Variants in ARHGAP28 observed in about 807,000 individuals in gnomAD.
ARHGAP28 encodes the protein Rho GTPase activating protein 28, also known as rho GTPase-activating protein 28.
A neutral mutation model predicts 90.7 loss-of-function variants in ARHGAP28; 56 were observed. The ratio of observed to expected loss-of-function variants is 0.62; its 90% confidence interval spans 0.50 to 0.77. The LOEUF (loss-of-function observed/expected upper bound fraction) is 0.77, where lower values mean the gene tolerates loss of function less well. Among genes scored for constraint, ARHGAP28 ranks in the 30% least tolerant of loss-of-function variants. ARHGAP28 has a pLI of 0.00. For synonymous variants in ARHGAP28, 308 were observed against 323.3 expected (o/e 0.95, Z 0.51); for missense variants, 869 against 900.9 (o/e 0.96, Z 0.45).
Position 6,890,024 on chromosome 18 carries a change from T to C in ARHGAP28, c.1673T>C (p.Leu558Ser). Reference sequence around the variant, plus strand: ...CACTCTGATTATGAAGAATTACTGTTAGCAAACACTGCGGCCCACATCATC... The same window carrying C: ...CACTCTGATTATGAAGAATTACTGTCAGCAAACACTGCGGCCCACATCATC... The part of the protein sequence containing the change: ...SKHSDYEELL[L>S]ANTAAHIIRL... The change falls in exon 13 of 18, where the codon TTA (leucine) becomes TCA (serine). Residue 558 changes from leucine to serine, a missense_variant. Transcript: ENST00000383472. 1.9e-6 allele frequency: 3 copies of C among 1,614,206 alleles called. No individual in the cohort carries two copies. The highest frequency in any genetic ancestry group is 2.5e-6 in the Non-Finnish European group (3 of 1,180,032).
intron 14 of ARHGAP28, 54 bp downstream of exon 14, chr18:6,890,597 C>T: frequency 9.5e-7 from 1 of 1,056,062 alleles, no homozygotes; most frequent in Non-Finnish European, 1.4e-6. Context: ...TTGTACTCCT[C>T]AAAGGGGGGC....
intron 1 of ARHGAP28, among the ~76,000 whole-genome samples, chr18:6,739,989 G>A (rs867146776): frequency 6.6e-6 from 1 of 151,794 alleles, no homozygotes; most frequent in South Asian, 2.1e-4. Flanking sequence ...CAAGTAACTG[G>A]GATTATAGGC....
At chr18:6,838,847 T>C (rs1318619210) in intron 3 of ARHGAP28, among the ~76,000 whole-genome samples, 2 of 152,160 alleles carry the variant, frequency 1.3e-5, no homozygotes, top group African/African-American at 2.4e-5. Context: ...TGAGTAAAGG[T>C]GACTTCCACA....
rs1406790226 is a variant in ARHGAP28, at chr18:6,841,167, C to T, written c.543+3753C>T. ...CTGTCTCTCTCCTCTTTCTCTCTCT[C>T]CTCTCTCTCTCTCCTCTCTCTCTCT... is the stretch of plus-strand genomic sequence containing the variant. On this transcript the variant is annotated intron_variant, in intron 3 of 17. Transcript: ENST00000383472. Among the ~76,000 whole-genome samples the T allele has an allele frequency of 2.4e-3, 195 of 79,986 alleles. 2 individuals are homozygous for T. Among genetic ancestry groups the T allele is most frequent in the African/African-American group, 5.8e-3 (108 of 18,526 alleles). 52.5% of individuals were successfully genotyped at this position (79,986 alleles called of 152,430 possible).
At chr18:6,757,290 C>T (rs778798273) in intron 1 of ARHGAP28, among the ~76,000 whole-genome samples, 11 of 151,986 alleles carry the variant, frequency 7.2e-5, no homozygotes, top group South Asian at 2.1e-4. Context: ...ATTAGACATT[C>T]GCAGAGATAT....
Position 6,837,383 on chromosome 18 carries a change from T to C in ARHGAP28, c.512T>C (p.Val171Ala). 1 of 1,610,318 alleles carries C rather than the reference T, an allele frequency of 6.2e-7. No individual in the cohort carries two copies. Among genetic ancestry groups the C allele is most frequent in the Non-Finnish European group, 8.5e-7 (1 of 1,178,218 alleles). Residue 171 changes from valine to alanine, a missense_variant, in exon 3 of 18, where the codon GTC becomes GCC. By Grantham distance (64) the Val-to-Ala change is moderately conservative. Coordinates refer to ENST00000383472, the MANE Select transcript of ARHGAP28 (RefSeq NM_001366230.1). ...AAGGATAAGCAATCTATCAGGGATG[T>C]CAGAGACATTTTTGGAGTCAGTGAA... ...RKKDKQSIRD[V>A]RDIFGVSESP... is the part of the protein sequence containing the mutation.
intron 10 of ARHGAP28, among the ~76,000 whole-genome samples, chr18:6,880,100 G>A (rs2057165612): frequency 6.6e-6 from 1 of 152,092 alleles, no homozygotes; most frequent in Non-Finnish European, 1.5e-5. Flanking sequence ...TGTCCCCTTT[G>A]CTTTACTGCA....
chr18:6,847,610 TGA>T (rs1217347368), intron 3 of ARHGAP28, among the ~76,000 whole-genome samples: 1 of 123,508 alleles, frequency 8.1e-6, no homozygotes, highest in Non-Finnish European at 1.6e-5. Flanking sequence ...CACGAAAGGA[TGA>T]GAGAGAGAGA....
At position 6,890,011 on chromosome 18, in the gene ARHGAP28, G is replaced by A. The variant is rs763339559; in HGVS notation, c.1660G>A (p.Glu554Lys). 7.4e-6 allele frequency: 12 copies of A among 1,614,204 alleles called. No homozygotes were observed. In the East Asian group the frequency reaches 1.6e-4, roughly 21 times the overall value. Residue 554 changes from glutamate to lysine, a missense_variant, in exon 13 of 18, where the codon GAA becomes AAA. Glu to Lys is a moderately conservative substitution (Grantham distance 56). Transcript: ENST00000383472. The stretch of plus-strand genomic sequence containing the variant: ...CAGTAGAAGCAAACACTCTGATTAT[G>A]AAGAATTACTGTTAGCAAACACTGC... ...FFSRSKHSDY[E>K]ELLLANTAAH...
At chr18:6,850,692 C>A in intron 3 of ARHGAP28, 1 of 797,984 alleles carries the variant, frequency 1.3e-6, no homozygotes, top group Non-Finnish European at 1.9e-6. Context: ...TGGATGGAAC[C>A]ATCACATGAT....
In ARHGAP28 at chr18:6,912,041, ATCTTTC is replaced by A; in HGVS notation, c.2096-11_2096-6del. 1.3e-6 allele frequency: 2 copies of A among 1,524,302 alleles called. No individual in the cohort carries two copies. The highest frequency in any genetic ancestry group is 1.8e-6 in the Non-Finnish European group (2 of 1,104,822). The allele number at this position is 1,524,302 out of a possible 1,614,324, so 94.4% of individuals were successfully genotyped here. On this transcript the variant is annotated splice_polypyrimidine_tract_variant and intron_variant, in intron 17 of 17. Transcript: ENST00000383472. ...CACACAAATGTACACTAATTCTCTGATCTTTCTCTTTCTTTTAGGAGAGCATTGCTT... is the reference window on the plus strand; with the variant it reads ...CACACAAATGTACACTAATTCTCTGATCTTTCTTTTAGGAGAGCATTGCTT...
intron 3 of ARHGAP28, among the ~76,000 whole-genome samples, chr18:6,838,909 A>G (rs2056774957): frequency 6.6e-6 from 1 of 152,196 alleles, no homozygotes; most frequent in African/African-American, 2.4e-5. Context: ...TGCCTACTGT[A>G]GTAAAAGGTT....
At chr18:6,766,901 A>G (rs1163830859) in intron 1 of ARHGAP28, among the ~76,000 whole-genome samples, 3 of 152,148 alleles carry the variant, frequency 2.0e-5, no homozygotes, top group Non-Finnish European at 2.9e-5. Context: ...TAACGCTTGC[A>G]TGTCATATCT....
chr18:6,872,304 A>G (rs2057096213), intron 7 of ARHGAP28, among the ~76,000 whole-genome samples: 2 of 152,222 alleles, frequency 1.3e-5, no homozygotes, highest in African/African-American at 4.8e-5. Context: ...TGTTACTATT[A>G]TATGAGGACT....
chr18:6,858,090 T>C (rs2056968368), intron 4 of ARHGAP28, among the ~76,000 whole-genome samples: 1 of 152,208 alleles, frequency 6.6e-6, no homozygotes, highest in Non-Finnish European at 1.5e-5. Context: ...CTTAGACTTC[T>C]GTACTCAAAC....
rs558065450 is a variant in ARHGAP28, at chr18:6,899,497, C to A, written c.2030+2871C>A. ...AAGAGGTGGCCTAACCACAGAAAACCTTTCTGGCAATATCTGCCCTACTCC... is the reference window on the plus strand; with the variant it reads ...AAGAGGTGGCCTAACCACAGAAAACATTTCTGGCAATATCTGCCCTACTCC... On this transcript the variant is annotated intron_variant, in intron 16 of 17. Coordinates refer to ENST00000383472, the MANE Select transcript of ARHGAP28 (RefSeq NM_001366230.1). Among the ~76,000 whole-genome samples, 9 of 152,216 alleles carry A rather than the reference C, an allele frequency of 5.9e-5. No individual in the cohort carries two copies. In the East Asian group the frequency reaches 1.2e-3, roughly 20 times the overall value.
intron 1 of ARHGAP28, among the ~76,000 whole-genome samples, chr18:6,796,832 A>G (rs1012922088): frequency 1.3e-5 from 2 of 152,152 alleles, no homozygotes; most frequent in Non-Finnish European, 2.9e-5. Flanking sequence ...ACACACATAC[A>G]CACACTTCTG....
intron 1 of ARHGAP28, among the ~76,000 whole-genome samples, chr18:6,758,394 G>A (rs1259263290): frequency 1.3e-5 from 2 of 152,006 alleles, no homozygotes. Flanking sequence ...CATGATCTCG[G>A]CTCACTGAAA....
At chr18:6,835,308 T>C (rs907278814) in intron 2 of ARHGAP28, among the ~76,000 whole-genome samples, 1 of 152,202 alleles carries the variant, frequency 6.6e-6, no homozygotes, top group African/African-American at 2.4e-5. Context: ...TCTTCAGAAA[T>C]TAAAAGCTTA....
Sources: allele counts gnomAD v4.1 joint callset (sites outside exome capture counted in the v4.1 genomes callset), GRCh38; gene constraint gnomAD v4.1.1; transcripts MANE v1.5; gene names NCBI Gene and HGNC (gene_info 2026-07-23, HGNC 2026-07-21).